Variants in PCDHA4 observed in about 807,000 individuals in gnomAD.
PCDHA4 encodes the protein protocadherin alpha 4, also known as protocadherin alpha-4.
Under a neutral mutation model 61.4 loss-of-function variants are expected in PCDHA4, and 49 were observed. The observed-to-expected ratio is 0.80, with a 90% CI of 0.63 to 1.01. PCDHA4 has a LOEUF of 1.01. Ranked by LOEUF, PCDHA4 falls within the 50% of genes least tolerant of loss-of-function variation. PCDHA4 has a pLI of 0.00. For synonymous variants in PCDHA4, 590 were observed against 550.3 expected (o/e 1.07, Z -1.01); for missense variants, 1,254 against 1,235.8 (o/e 1.01, Z -0.22).
At chr5:140,856,946 G>A (rs372611675) in intron 1 of PCDHA4, 3 of 1,593,218 alleles carry the variant, frequency 1.9e-6, no homozygotes, top group East Asian at 2.2e-5. Context: ...AAGGACGGGA[G>A]AAATAAAAGT....
At chr5:140,870,010 G>A in intron 1 of PCDHA4, 1 of 1,613,560 alleles carries the variant, frequency 6.2e-7, no homozygotes, top group Non-Finnish European at 8.5e-7. Context: ...AGAAGTGAGG[G>A]TCAATGGAAC....
chr5:140,885,936 T>G (rs994325798), intron 1 of PCDHA4, among the ~76,000 whole-genome samples: 5 of 152,198 alleles, frequency 3.3e-5, no homozygotes, highest in Admixed American at 6.5e-5. Context: ...ATCTATTTTT[T>G]GACATTTTTA....
intron 1 of PCDHA4, chr5:140,849,998 G>C (rs1331024860): frequency 6.3e-7 from 1 of 1,597,138 alleles, no homozygotes; most frequent in Admixed American, 1.7e-5. Context: ...GGTTGGGCGA[G>C]CGCTCGCTGT....
At chr5:140,828,316 G>A (rs1554131197) in intron 1 of PCDHA4, 2 of 1,614,208 alleles carry the variant, frequency 1.2e-6, no homozygotes, top group Admixed American at 3.3e-5. Context: ...AGGACCTTCT[G>A]GAGGTAAATC....
At chr5:140,842,073 T>C (rs2150328918) in intron 1 of PCDHA4, 1 of 1,613,862 alleles carries the variant, frequency 6.2e-7, no homozygotes, top group Non-Finnish European at 8.5e-7. Flanking sequence ...GAAGTAAGAA[T>C]ATTCGAAAAC....
chr5:140,881,625 A>G (rs2058773266), intron 1 of PCDHA4, among the ~76,000 whole-genome samples: 1 of 152,210 alleles, frequency 6.6e-6, no homozygotes, highest in African/African-American at 2.4e-5. Context: ...AAAATCTGAT[A>G]TATCAGTTAC....
At chr5:140,833,313 C>T (rs1412799485) in intron 1 of PCDHA4, among the ~76,000 whole-genome samples, 1 of 152,176 alleles carries the variant, frequency 6.6e-6, no homozygotes, top group Non-Finnish European at 1.5e-5. Context: ...AATTATTTTA[C>T]ATGCCATTGG....
chr5:140,870,678 G>C (rs1304914174), intron 1 of PCDHA4: 1 of 1,612,626 alleles, frequency 6.2e-7, no homozygotes, highest in African/African-American at 1.3e-5. Context: ...TGGACCACGA[G>C]GAGCTGGAGC....
At chr5:140,893,880 G>T (rs1426434148) in intron 1 of PCDHA4, among the ~76,000 whole-genome samples, 1 of 152,090 alleles carries the variant, frequency 6.6e-6, no homozygotes, top group African/African-American at 2.4e-5. Flanking sequence ...ATCCAAAGTG[G>T]CCAGAAAGTT....
chr5:140,906,075 C>A (rs2153492820), intron 1 of PCDHA4, among the ~76,000 whole-genome samples: 1 of 152,246 alleles, frequency 6.6e-6, no homozygotes, highest in African/African-American at 2.4e-5. Context: ...TAGATCGCAC[C>A]CACCCAGACT....
chr5:140,851,631 T>C, intron 1 of PCDHA4: 1 of 919,266 alleles, frequency 1.1e-6, no homozygotes. Flanking sequence ...TTTAAACAAG[T>C]GTTTCCTTTC....
chr5:140,886,087 A>G (rs944362157), intron 1 of PCDHA4, among the ~76,000 whole-genome samples: 2 of 152,324 alleles, frequency 1.3e-5, no homozygotes, highest in Admixed American at 6.5e-5. Flanking sequence ...CAACCTGGAT[A>G]TTGACATTGA....
At chr5:140,976,208 A>G (rs2096706017) in intron 1 of PCDHA4, among the ~76,000 whole-genome samples, 1 of 152,202 alleles carries the variant, frequency 6.6e-6, no homozygotes, top group Non-Finnish European at 1.5e-5. Context: ...TCAGAAGTAA[A>G]AAAGAGAAAG....
chr5:140,821,984 G>A (rs1554128362), intron 1 of PCDHA4: 10 of 1,614,134 alleles, frequency 6.2e-6, no homozygotes, highest in South Asian at 3.3e-5. Flanking sequence ...TCCAAGGGCC[G>A]CGGGGACCTT....
intron 1 of PCDHA4, chr5:140,853,078 AC>A (rs1285082508): frequency 6.7e-6 from 2 of 297,432 alleles, no homozygotes; most frequent in African/African-American, 4.6e-5. Context: ...ATGGGGTTTC[AC>A]CGTGTTAGTC....
At chr5:140,842,984 G>C in intron 1 of PCDHA4, 2 of 1,595,034 alleles carry the variant, frequency 1.3e-6, no homozygotes. Flanking sequence ...GCAGGTGTTC[G>C]TGCTGGACGA....
chr5:140,995,893 A>G (rs1038677586), intron 3 of PCDHA4, among the ~76,000 whole-genome samples: 3 of 152,182 alleles, frequency 2.0e-5, no homozygotes, highest in Non-Finnish European at 4.4e-5. Flanking sequence ...AGATTTATCA[A>G]TGTATAAAAG....
At chr5:140,880,857 A>G (rs1296520788) in intron 1 of PCDHA4, among the ~76,000 whole-genome samples, 1 of 152,234 alleles carries the variant, frequency 6.6e-6, no homozygotes, top group African/African-American at 2.4e-5. Flanking sequence ...ATGTAGTCTA[A>G]TTATGTGAAG....
At chr5:140,827,339 T>C (rs1769253765) in intron 1 of PCDHA4, among the ~76,000 whole-genome samples, 1 of 152,120 alleles carries the variant, frequency 6.6e-6, no homozygotes, top group Non-Finnish European at 1.5e-5. Context: ...AGTGGTGAAG[T>C]ATATGAAAAG....
Sources: gnomAD v4.1 joint callset for allele counts (sites outside exome capture counted in the v4.1 genomes callset) on GRCh38, gnomAD v4.1.1 for gene constraint, MANE v1.5 for transcripts, NCBI Gene and HGNC (gene_info 2026-07-23, HGNC 2026-07-21) for gene names.